The following PEPD variants were observed in gnomAD, a reference collection of about 807,000 sequenced individuals.
PEPD encodes the protein xaa-Pro dipeptidase.
In PEPD, 53 loss-of-function variants were observed where a neutral mutation model predicts 60.7. That is an observed-to-expected ratio of 0.87 (90% CI 0.70 to 1.10). The LOEUF (loss-of-function observed/expected upper bound fraction) is 1.10, where lower values mean the gene tolerates loss of function less well. Among genes scored for constraint, PEPD ranks in the 50% least tolerant of loss-of-function variants. PEPD has a pLI of 0.00. For missense variants in PEPD, 711 were observed against 711.9 expected (o/e 1.00, Z 0.01); for synonymous variants, 267 against 284.1 (o/e 0.94, Z 0.60).
At chr19:33,415,743 G>A (rs1968875743) in intron 9 of PEPD, among the ~76,000 whole-genome samples, 1 of 152,332 alleles carries the variant, frequency 6.6e-6, no homozygotes, top group Non-Finnish European at 1.5e-5. Flanking sequence ...GCAAAGTGCA[G>A]CCCGACACTG....
chr19:33,479,328 A>G, intron 6 of PEPD, among the ~76,000 whole-genome samples: 1 of 152,320 alleles, frequency 6.6e-6, no homozygotes, highest in Non-Finnish European at 1.5e-5. Context: ...AAAATGGTAG[A>G]GTTTTTCCTT....
At chr19:33,408,329 TC>T (rs1404193436) in intron 11 of PEPD, among the ~76,000 whole-genome samples, 1 of 152,210 alleles carries the variant, frequency 6.6e-6, no homozygotes, top group Non-Finnish European at 1.5e-5. Context: ...CCTGCCCAGC[TC>T]GGTGAGGACA....
At position 33,521,781 on chromosome 19, in the gene PEPD, A is replaced by T; in HGVS notation, c.-21T>A. 1.3e-6 allele frequency: 2 copies of T among 1,567,794 alleles called. No individual in the cohort carries two copies. Among genetic ancestry groups the T allele is most frequent in the Non-Finnish European group, 1.7e-6 (2 of 1,161,758 alleles). On this transcript the variant is annotated 5_prime_UTR_variant, in exon 1 of 15. Transcript: ENST00000244137. ...GCCATGTTCGCCCGGCACCGGCGTC[A>T]CGTGAAGTGCGGCGTCAGCTGAGCC...
At chr19:33,473,810 A>G (rs1970168923) in intron 7 of PEPD, among the ~76,000 whole-genome samples, 1 of 152,256 alleles carries the variant, frequency 6.6e-6, no homozygotes, top group Non-Finnish European at 1.5e-5. Flanking sequence ...TACCCAGCAC[A>G]AGAAAAGAAA....
chr19:33,401,850 C>T lies in PEPD; in HGVS notation c.838G>A (p.Glu280Lys). 6.2e-7 allele frequency: 1 copy of T among 1,613,228 alleles called. No homozygotes were observed. Among genetic ancestry groups the T allele is most frequent in the African/African-American group, 1.3e-5 (1 of 75,058 alleles). ...ATGTCGGAAGCGAAGCAGTAATACTCACCGCCCATGTCGAACAGGCTGCGG... is the reference window on the plus strand; with the variant it reads ...ATGTCGGAAGCGAAGCAGTAATACTTACCGCCCATGTCGAACAGGCTGCGG... ...GDMCLFDMGG[E>K]YYCFASDITC... The change falls in exon 12 of 15, where the codon GAG becomes AAG. Residue 280 changes from glutamate (E) to lysine (K), a missense_variant. Coordinates refer to ENST00000244137, the MANE Select transcript of PEPD (RefSeq NM_000285.4).
chr19:33,439,649 C>T (rs545622082), intron 9 of PEPD, among the ~76,000 whole-genome samples: 9 of 152,336 alleles, frequency 5.9e-5, no homozygotes, highest in African/African-American at 1.7e-4. Context: ...AAGGATCCGG[C>T]TGAGGGATGC....
intron 12 of PEPD, among the ~76,000 whole-genome samples, chr19:33,395,767 C>T (rs771614004): frequency 1.3e-5 from 2 of 152,222 alleles, no homozygotes; most frequent in African/African-American, 2.4e-5. Flanking sequence ...AGACAAAGAG[C>T]GCACTTCATC....
At chr19:33,433,298 T>C (rs1237600844) in intron 9 of PEPD, among the ~76,000 whole-genome samples, 1 of 152,174 alleles carries the variant, frequency 6.6e-6, no homozygotes, top group Admixed American at 6.5e-5. Context: ...GTTTTCTCCT[T>C]AAACTGCAGA....
chr19:33,490,163 C>T, intron 5 of PEPD, 106 bp from the exon 6 acceptor site: 1 of 774,404 alleles, frequency 1.3e-6, no homozygotes. Flanking sequence ...AACAGGATCC[C>T]CTCCTGCCTT....
At chr19:33,390,867 G>C (rs1377573510) in intron 13 of PEPD, among the ~76,000 whole-genome samples, 1 of 152,156 alleles carries the variant, frequency 6.6e-6, no homozygotes, top group Non-Finnish European at 1.5e-5. Flanking sequence ...GCCAGGGTGA[G>C]TCGCCAGTGG....
intron 7 of PEPD, among the ~76,000 whole-genome samples, chr19:33,468,739 T>A (rs1381542798): frequency 6.6e-6 from 1 of 152,042 alleles, no homozygotes; most frequent in Non-Finnish European, 1.5e-5. Context: ...TTCTGGGGAA[T>A]GTGGAAAAAA....
At chr19:33,471,505 G>A (rs888822355) in intron 7 of PEPD, among the ~76,000 whole-genome samples, 3 of 152,162 alleles carry the variant, frequency 2.0e-5, no homozygotes, top group Non-Finnish European at 4.4e-5. Flanking sequence ...GGACAAAAGG[G>A]TGCCCCAGCC....
Position 33,436,102 on chromosome 19 carries a change from GGGA to G in PEPD, c.672-22462_672-22460del, listed in dbSNP as rs1362025845. ...GCAGAGGAGAAAGAAGCAGAGGAGT[GGGA>G]GGAGGAGAGCGGGGAGAAAAGAAGG... On this transcript the variant is annotated intron_variant, in intron 9 of 14. Transcript: ENST00000244137. 3.4e-4 allele frequency among the ~76,000 whole-genome samples: 51 copies of G among 152,030 alleles called. 2 individuals are homozygous for G. The highest frequency in any genetic ancestry group is 8.8e-5 in the Non-Finnish European group (6 of 67,994).
chr19:33,500,675 G>A (rs995644172), intron 4 of PEPD, among the ~76,000 whole-genome samples: 2 of 152,190 alleles, frequency 1.3e-5, no homozygotes, highest in African/African-American at 4.8e-5. Flanking sequence ...TGTAATCTCA[G>A]CGGCCACAAC....
intron 11 of PEPD, among the ~76,000 whole-genome samples, chr19:33,408,844 G>A (rs1479361480): frequency 6.6e-6 from 1 of 152,176 alleles, no homozygotes; most frequent in Non-Finnish European, 1.5e-5. Flanking sequence ...GTAGGCGCTC[G>A]GCAGATCAAT....
At chr19:33,443,473 T>C (rs1362691418) in intron 9 of PEPD, among the ~76,000 whole-genome samples, 2 of 152,236 alleles carry the variant, frequency 1.3e-5, no homozygotes, top group Non-Finnish European at 2.9e-5. Context: ...CATAAGATTA[T>C]ATGCTTATTT....
chr19:33,488,676 T>A (rs968841997), intron 6 of PEPD, among the ~76,000 whole-genome samples: 3 of 152,180 alleles, frequency 2.0e-5, no homozygotes, highest in Admixed American at 2.0e-4. Context: ...AAAGCAAACC[T>A]ACTACCCGCC....
chr19:33,400,689 T>TG (rs2145344581), intron 12 of PEPD, among the ~76,000 whole-genome samples: 1 of 151,852 alleles, frequency 6.6e-6, no homozygotes, highest in East Asian at 1.9e-4. Context: ...ACGGCAGGGG[T>TG]GCTGTGTTGA....
At chr19:33,479,653 T>C (rs1970280041) in intron 6 of PEPD, among the ~76,000 whole-genome samples, 1 of 152,228 alleles carries the variant, frequency 6.6e-6, no homozygotes, top group African/African-American at 2.4e-5. Flanking sequence ...CTCCCACTTG[T>C]AAGTGAGAAC....
Sources: gnomAD v4.1 joint callset for allele counts (sites outside exome capture counted in the v4.1 genomes callset) on GRCh38, gnomAD v4.1.1 for gene constraint, MANE v1.5 for transcripts, NCBI Gene and HGNC (gene_info 2026-07-23, HGNC 2026-07-21) for gene names.